The following CADPS2 variants were observed in gnomAD, a reference collection of about 807,000 sequenced individuals.
CADPS2 encodes the protein calcium-dependent secretion activator 2.
CADPS2 carries 93 observed loss-of-function variants against 172.5 expected under a neutral mutation model. That is an observed-to-expected ratio of 0.54 (90% CI 0.46 to 0.64). CADPS2 has a LOEUF of 0.64. Ranked by LOEUF, CADPS2 falls within the 30% of genes least tolerant of loss-of-function variation. The pLI is 0.00. For missense variants in CADPS2, 1,420 were observed against 1,565.9 expected, an observed-to-expected ratio of 0.91 and a Z score of 1.57; for synonymous variants, 546 against 555.2, an observed-to-expected ratio of 0.98 and a Z score of 0.23.
intron 7 of CADPS2, among the ~76,000 whole-genome samples, chr7:122,571,501 C>A (rs1450065763): frequency 1.3e-5 from 2 of 152,080 alleles, no homozygotes; most frequent in African/African-American, 4.8e-5. Context: ...CTTTCCTCTA[C>A]CTCTACAGTG....
chr7:122,496,403 T>C (rs890911499), intron 9 of CADPS2, among the ~76,000 whole-genome samples: 4 of 152,192 alleles, frequency 2.6e-5, no homozygotes, highest in African/African-American at 9.7e-5. Flanking sequence ...CTTCCAGTAA[T>C]CCACCTGCCT....
rs202155427 is a variant in CADPS2 at position 122,367,539 on chromosome 7, G to GTTTTTTT, written c.3388-6533_3388-6527dup. On this transcript the variant is annotated intron_variant, in intron 25 of 29. Transcript: ENST00000449022. ...TAACCATATTCTAAACCTTCCCCCA[G>GTTTTTTT]TTTTTTTTTTTTTTTTTTTTTTTTT... Among the ~76,000 whole-genome samples the GTTTTTTT allele has an allele frequency of 7.2e-4, 72 of 100,596 alleles. 3 individuals carry two copies. The highest frequency in any genetic ancestry group is 2.4e-3 in the African/African-American group (55 of 22,686). The allele number at this position is 100,596 out of a possible 152,430, so 66.0% of individuals were successfully genotyped here.
At chr7:122,443,525 T>C (rs1247463413) in intron 15 of CADPS2, among the ~76,000 whole-genome samples, 1 of 151,952 alleles carries the variant, frequency 6.6e-6, no homozygotes, top group Non-Finnish European at 1.5e-5. Flanking sequence ...ATTGCACAGA[T>C]AAATAAACCA....
intron 8 of CADPS2, among the ~76,000 whole-genome samples, chr7:122,522,497 T>C (rs1428252364): frequency 8.5e-5 from 13 of 152,296 alleles, no homozygotes; most frequent in Admixed American, 7.2e-4. Flanking sequence ...ATGCATAAAA[T>C]GTGTAATGGT....
chr7:122,487,844 C>T (rs1263783654), intron 11 of CADPS2, among the ~76,000 whole-genome samples: 4 of 152,064 alleles, frequency 2.6e-5, no homozygotes, highest in Admixed American at 6.6e-5. Context: ...CAGAAGCCCA[C>T]TTACATGGTA....
At chr7:122,527,580 A>AG (rs2061342442) in intron 8 of CADPS2, among the ~76,000 whole-genome samples, 1 of 85,460 alleles carries the variant, frequency 1.2e-5, no homozygotes, top group African/African-American at 3.8e-5. Context: ...GATAATACTG[A>AG]ATAGAGAGAG....
At chr7:122,876,593 GCTTAA>G (rs1312061281) in intron 1 of CADPS2, among the ~76,000 whole-genome samples, 1 of 152,056 alleles carries the variant, frequency 6.6e-6, no homozygotes, top group Non-Finnish European at 1.5e-5. Flanking sequence ...CAACTCCTGG[GCTTAA>G]GTGATCCTTC....
chr7:122,632,105 T>C (rs2076631794), intron 3 of CADPS2, among the ~76,000 whole-genome samples: 1 of 152,178 alleles, frequency 6.6e-6, no homozygotes, highest in South Asian at 2.1e-4. Context: ...CAACCCACCA[T>C]TAATGGGCAC....
intron 1 of CADPS2, among the ~76,000 whole-genome samples, chr7:122,817,735 T>C (rs1389105757): frequency 6.6e-6 from 1 of 151,918 alleles, no homozygotes; most frequent in African/African-American, 2.4e-5. Context: ...CCCCTTCTCC[T>C]TCACTCTTAG....
At chr7:122,493,358 T>C (rs1039480442) in intron 9 of CADPS2, among the ~76,000 whole-genome samples, 4 of 152,184 alleles carry the variant, frequency 2.6e-5, no homozygotes, top group South Asian at 2.1e-4. Context: ...GGAGAAAATA[T>C]ATTTTCTGTT....
intron 1 of CADPS2, among the ~76,000 whole-genome samples, chr7:122,863,904 C>T (rs1478559813): frequency 6.6e-6 from 1 of 152,080 alleles, no homozygotes; most frequent in Non-Finnish European, 1.5e-5. Flanking sequence ...GTGGCAGGTG[C>T]CTGTAATCCT....
chr7:122,707,579 T>A (rs942235665), intron 2 of CADPS2, among the ~76,000 whole-genome samples: 6 of 152,018 alleles, frequency 3.9e-5, no homozygotes, highest in African/African-American at 1.4e-4. Flanking sequence ...TCATGAGAGC[T>A]CTCTAGGAAT....
intron 1 of CADPS2, among the ~76,000 whole-genome samples, chr7:122,766,221 C>A (rs2093548428): frequency 6.6e-6 from 1 of 152,066 alleles, no homozygotes; most frequent in Non-Finnish European, 1.5e-5. Flanking sequence ...GAGGAATCCA[C>A]CCCCATGGAC....
intron 24 of CADPS2, among the ~76,000 whole-genome samples, chr7:122,380,562 A>G (rs1585434765): frequency 6.6e-6 from 1 of 152,036 alleles, no homozygotes; most frequent in Admixed American, 6.6e-5. Flanking sequence ...ATGACACTCC[A>G]CCCCTCTCCC....
chr7:122,830,719 T>C (rs1215366413), intron 1 of CADPS2, among the ~76,000 whole-genome samples: 1 of 152,184 alleles, frequency 6.6e-6, no homozygotes, highest in Non-Finnish European at 1.5e-5. Flanking sequence ...AAACAATCTG[T>C]GGACTGCAAA....
At chr7:122,671,428 A>G (rs2081841954) in intron 2 of CADPS2, among the ~76,000 whole-genome samples, 1 of 152,218 alleles carries the variant, frequency 6.6e-6, no homozygotes, top group Non-Finnish European at 1.5e-5. Context: ...ATCACAAAGA[A>G]TAACATCACA....
chr7:122,346,946 A>G (rs1232193629), intron 27 of CADPS2, among the ~76,000 whole-genome samples: 1 of 152,206 alleles, frequency 6.6e-6, no homozygotes, highest in Non-Finnish European at 1.5e-5. Flanking sequence ...TATGACATTA[A>G]TAAGAACAAA....
chr7:122,540,285 C>T (rs2062783010), intron 8 of CADPS2, among the ~76,000 whole-genome samples: 2 of 152,108 alleles, frequency 1.3e-5, no homozygotes. Flanking sequence ...AATCTGAAAG[C>T]AATTTAGGAC....
chr7:122,763,003 C>T (rs2093438927), intron 1 of CADPS2, among the ~76,000 whole-genome samples: 1 of 151,972 alleles, frequency 6.6e-6, no homozygotes, highest in South Asian at 2.1e-4. Flanking sequence ...ACAGAGCAAC[C>T]AGTTTCAATA....
Sources: gnomAD v4.1 joint callset for allele counts (sites outside exome capture counted in the v4.1 genomes callset) on GRCh38, gnomAD v4.1.1 for gene constraint, MANE v1.5 for transcripts, NCBI Gene and HGNC (gene_info 2026-07-23, HGNC 2026-07-21) for gene names.